The following CIPC variants were observed in gnomAD, a reference collection of about 807,000 sequenced individuals.
CIPC encodes the protein CLOCK interacting pacemaker, also known as CLOCK-interacting pacemaker.
CIPC carries 12 observed loss-of-function variants against 26.7 expected under a neutral mutation model. The ratio of observed to expected loss-of-function variants is 0.45; its 90% CI spans 0.29 to 0.73. The LOEUF (loss-of-function observed/expected upper bound fraction) is 0.73, where lower values mean the gene tolerates loss of function less well. Ranked by LOEUF, CIPC falls within the 30% of genes least tolerant of loss-of-function variation. The pLI is 0.12. For synonymous variants in CIPC, 170 were observed against 189.8 expected (o/e 0.90, Z 0.86); for missense variants, 417 against 486.5 (o/e 0.86, Z 1.34).
chr14:77,105,661 G>A lies in CIPC; in HGVS notation c.-48G>A, dbSNP rs1886576774. The A allele has an allele frequency of 6.3e-7, 1 of 1,596,820 alleles. No homozygotes were observed. The highest frequency in any genetic ancestry group is 1.1e-5 in the South Asian group (1 of 88,476). ...TTATATAATTGTTTTTCATAGGGCAGTCCAGATGAAAAGAGTACCAATGAA... is the reference window on the plus strand; with the variant it reads ...TTATATAATTGTTTTTCATAGGGCAATCCAGATGAAAAGAGTACCAATGAA... On this transcript the variant is annotated 5_prime_UTR_variant, in exon 2 of 4. Transcript: ENST00000361786.
intron 1 of CIPC, among the ~76,000 whole-genome samples, chr14:77,101,664 A>G (rs1886487332): frequency 6.6e-6 from 1 of 152,226 alleles, no homozygotes; most frequent in Non-Finnish European, 1.5e-5. Context: ...GTTTTATTTA[A>G]TCAAAGTTTT....
chr14:77,114,209 C>T lies in CIPC; in HGVS notation c.1091C>T (p.Thr364Ile). ...CAAACCCAGCTGTTTATAGAAGCCA[C>T]CAAGAGCAGGGCCCCTCAGGCTTGG... ...KEQTQLFIEA[T>I]KSRAPQAWAK... is the part of the protein sequence containing the mutation. Residue 364 changes from threonine (T) to isoleucine (I), a missense_variant, in exon 4 of 4, where the codon ACC (threonine) becomes ATC (isoleucine). Transcript: ENST00000361786. 1.2e-6 allele frequency: 2 copies of T among 1,614,152 alleles called. No individual in the cohort carries two copies. Among genetic ancestry groups the T allele is most frequent in the South Asian group, 1.1e-5 (1 of 91,080 alleles).
intron 2 of CIPC, among the ~76,000 whole-genome samples, chr14:77,106,255 T>A (rs1191658632): frequency 6.6e-6 from 1 of 152,182 alleles, no homozygotes; most frequent in Non-Finnish European, 1.5e-5. Flanking sequence ...ATACTGTATA[T>A]AATTTGTAAG....
chr14:77,112,679 T>A (rs1476121205), intron 3 of CIPC, among the ~76,000 whole-genome samples: 1 of 152,020 alleles, frequency 6.6e-6, no homozygotes, highest in Non-Finnish European at 1.5e-5. Flanking sequence ...CCTGACAATA[T>A]GGGTTTTTTT....
At chr14:77,099,787 T>G (rs1566803125) in intron 1 of CIPC, 1 of 152,176 alleles carries the variant, frequency 6.6e-6, no homozygotes. Context: ...TCACAAAGAT[T>G]GTTTGTGGAT....
At chr14:77,106,543 T>C (rs1295056686) in intron 2 of CIPC, among the ~76,000 whole-genome samples, 1 of 152,178 alleles carries the variant, frequency 6.6e-6, no homozygotes, top group Admixed American at 6.5e-5. Flanking sequence ...GGCTTGAATA[T>C]GGCGCTAGTG....
At position 77,101,701 on chromosome 14, in the gene CIPC, T is replaced by G. The variant is rs149444747; in HGVS notation, c.-53+3340T>G. ...TTTATGACACAGGAGTCTTCAGAAG[T>G]GAAGCCTCCCAAACTCAGGGAAAAC... On this transcript the variant is annotated intron_variant, in intron 1 of 3. Coordinates refer to ENST00000361786, the MANE Select transcript of CIPC (RefSeq NM_033426.3). Among the ~76,000 whole-genome samples the G allele has an allele frequency of 3.6e-3, 550 of 152,318 alleles. 3 individuals are homozygous for G. Among genetic ancestry groups the G allele is most frequent in the African/African-American group, 0.013 (535 of 41,560 alleles).
At position 77,105,861 on chromosome 14, in the gene CIPC, C is replaced by G; in HGVS notation, c.136+17C>G. ...GCTTTTCAGGTTAAAAATATCTTAT[C>G]CTTCCTCTGTTTTGTGAGTGAATGC... is the stretch of plus-strand genomic sequence containing the variant. On this transcript the variant is annotated intron_variant, in intron 2 of 3. Transcript: ENST00000361786. The G allele has an allele frequency of 6.2e-7, 1 of 1,612,468 alleles. No individual in the cohort carries two copies. The highest frequency in any genetic ancestry group is 1.1e-5 in the South Asian group (1 of 90,740).
chr14:77,102,361 A>G (rs1029254612), intron 1 of CIPC, among the ~76,000 whole-genome samples: 12 of 152,200 alleles, frequency 7.9e-5, no homozygotes, highest in Admixed American at 6.5e-4. Context: ...AGCAAGACAC[A>G]GTCTCAGAAA....
At position 77,116,908 on chromosome 14, in the gene CIPC, G is replaced by A. The variant is rs1487934943; in HGVS notation, c.*2590G>A. Reference sequence around the variant, plus strand: ...TATGAAGTACTGTGGCAGAGCTGCTGTTTTCTGAAGGTGAGAAGCCATTTT... The same window carrying A: ...TATGAAGTACTGTGGCAGAGCTGCTATTTTCTGAAGGTGAGAAGCCATTTT... On this transcript the variant is annotated 3_prime_UTR_variant, in exon 4 of 4. Transcript: ENST00000361786. 1.3e-5 allele frequency: 2 copies of A among 152,220 alleles called. No homozygotes were observed. Among genetic ancestry groups the A allele is most frequent in the Admixed American group, 6.5e-5 (1 of 15,280 alleles). The allele number at this position is 152,220 out of a possible 1,614,324, so 9.4% of individuals were successfully genotyped here.
At position 77,113,535 on chromosome 14, in the gene CIPC, T is replaced by C. The variant is rs1594823171; in HGVS notation, c.417T>C (p.Ser139=). ...ATCCACCTGTACCATCTCCTGTCAGTCCATGTCACACTGGTGAGAAAAAGT... is the reference window on the plus strand; with the variant it reads ...ATCCACCTGTACCATCTCCTGTCAGCCCATGTCACACTGGTGAGAAAAAGT... The part of the protein sequence containing the change: ...FLHPPVPSPV[S]PCHTGEKKSD... The change falls in exon 4 of 4, where the codon AGT becomes AGC. Residue 139 remains serine, a synonymous_variant. Transcript: ENST00000361786. The C allele has an allele frequency of 3.1e-6, 5 of 1,614,152 alleles. No individual in the cohort carries two copies. Among genetic ancestry groups the C allele is most frequent in the Non-Finnish European group, 4.2e-6 (5 of 1,180,016 alleles).
chr14:77,112,549 T>C (rs923090919), intron 3 of CIPC, among the ~76,000 whole-genome samples: 5 of 152,222 alleles, frequency 3.3e-5, no homozygotes, highest in African/African-American at 4.8e-5. Flanking sequence ...AAGTAACTCA[T>C]GTAAAACATT....
intron 1 of CIPC, 97 bp downstream of exon 1, chr14:77,098,458 G>C (rs1566802761): frequency 6.5e-6 from 1 of 153,880 alleles, no homozygotes; most frequent in Non-Finnish European, 1.4e-5. Context: ...TGGAAGTAGG[G>C]GAGAGAGGAA....
chr14:77,099,964 A>G (rs1886445000), intron 1 of CIPC: 1 of 152,184 alleles, frequency 6.6e-6, no homozygotes, highest in Non-Finnish European at 1.5e-5. Flanking sequence ...CTGTTCAGGT[A>G]TTTCTGTGAC....
At chr14:77,111,510 T>C (rs1349632767) in intron 3 of CIPC, among the ~76,000 whole-genome samples, 1 of 152,246 alleles carries the variant, frequency 6.6e-6, no homozygotes, top group Non-Finnish European at 1.5e-5. Context: ...TGCTTGGTTT[T>C]AGATATTTTT....
intron 2 of CIPC, among the ~76,000 whole-genome samples, chr14:77,107,452 T>C (rs925495946): frequency 6.6e-6 from 1 of 152,212 alleles, no homozygotes; most frequent in African/African-American, 2.4e-5. Context: ...ATTTCCTCAC[T>C]GCCTGAGTTA....
In CIPC at chr14:77,115,991, T is replaced by G. The variant is rs559349805; in HGVS notation, c.*1673T>G. 10 of 152,354 alleles carry G rather than the reference T, an allele frequency of 6.6e-5. No homozygotes were observed. Among genetic ancestry groups the G allele is most frequent in the African/African-American group, 2.2e-4 (9 of 41,582 alleles). The allele number at this position is 152,354 out of a possible 1,614,324, so 9.4% of individuals were successfully genotyped here. A position where few individuals can be genotyped will look rare whatever the true frequency, so the allele number is the denominator to read the frequency against. On this transcript the variant is annotated 3_prime_UTR_variant, in exon 4 of 4. Coordinates refer to ENST00000361786, the MANE Select transcript of CIPC (RefSeq NM_033426.3). ...CTGAGCCACCACGCTCAGCTCAGCT[T>G]CACCCTGTCTGCAAAGAAAAGTTTT...
intron 2 of CIPC, among the ~76,000 whole-genome samples, chr14:77,107,687 T>C (rs1886619557): frequency 6.6e-6 from 1 of 151,576 alleles, no homozygotes; most frequent in African/African-American, 2.4e-5. Flanking sequence ...TGAAAGTAAA[T>C]TGCAAACACT....
chr14:77,109,692 T>A lies in CIPC; in HGVS notation c.137-120T>A, dbSNP rs1427055416. ...GCTAAAAGCCTCCTTCTCAATAAAA[T>A]TCACAAAAACACATCACAAGTGTTG... On this transcript the variant is annotated intron_variant, in intron 2 of 3. Transcript: ENST00000361786. The A allele has an allele frequency of 3.5e-6, 3 of 855,900 alleles. No homozygotes were observed. The African/African-American group carries it at 5.0e-5, about 14-fold the overall frequency. 53.0% of individuals were successfully genotyped at this position (855,900 alleles called of 1,614,324 possible).
Sources: allele counts gnomAD v4.1 joint callset (sites outside exome capture counted in the v4.1 genomes callset), GRCh38; gene constraint gnomAD v4.1.1; transcripts MANE v1.5; gene names NCBI Gene and HGNC (gene_info 2026-07-23, HGNC 2026-07-21).